The following USH2A variants were observed in gnomAD, a reference collection of about 807,000 sequenced individuals.
The protein encoded by USH2A is Usher syndrome 2A (autosomal recessive, mild).
A neutral mutation model predicts 538.9 loss-of-function variants in USH2A; 443 were observed. The observed-to-expected ratio is 0.82, with a 90% confidence interval of 0.76 to 0.89. The LOEUF (loss-of-function observed/expected upper bound fraction) is 0.89. USH2A is among the 40% of genes least tolerant of loss of function. The pLI, the probability that USH2A is intolerant of heterozygous loss-of-function variation, is 0.00. For missense variants in USH2A, 6,633 were observed against 6,324.8 expected (o/e 1.05, Z -1.65); for synonymous variants, 2,413 against 2,273.5 (o/e 1.06, Z -1.75).
At chr1:215,780,942 T>C (rs1279706368) in intron 54 of USH2A, among the ~76,000 whole-genome samples, 1 of 152,258 alleles carries the variant, frequency 6.6e-6, no homozygotes, top group Admixed American at 6.5e-5. Flanking sequence ...TTTAAGCATA[T>C]GAAAAGAATC....
At chr1:215,651,662 T>C (rs1657082369) in intron 64 of USH2A, among the ~76,000 whole-genome samples, 1 of 150,812 alleles carries the variant, frequency 6.6e-6, no homozygotes, top group Non-Finnish European at 1.5e-5. Flanking sequence ...GCATGCAGTA[T>C]TGAAAAAAAA....
intron 43 of USH2A, among the ~76,000 whole-genome samples, chr1:215,872,093 A>G (rs1427142982): frequency 6.6e-6 from 1 of 152,206 alleles, no homozygotes; most frequent in Non-Finnish European, 1.5e-5. Context: ...TTCTTCCACT[A>G]ACTCTTCCTC....
chr1:215,780,009 C>G lies in USH2A; in HGVS notation c.10773G>C (p.Glu3591Asp). ...CTGTGATGCTTGGTGGCAGGATGCT[C>G]TCCGGAACTCCTTGGGTAGTAGCTG... ...VVAATTQGVP[E>D]SILPPSITAL... Residue 3591 changes from glutamate (E) to aspartate (D), a missense_variant, in exon 55 of 72, where the codon GAG (glutamate) becomes GAC (aspartate). Coordinates refer to ENST00000307340, the MANE Select transcript of USH2A (RefSeq NM_206933.4). The G allele has an allele frequency of 6.2e-7, 1 of 1,614,080 alleles. No individual in the cohort carries two copies. Among genetic ancestry groups the G allele is most frequent in the Non-Finnish European group, 8.5e-7 (1 of 1,180,020 alleles).
chr1:215,672,450 C>T (rs554939127), intron 63 of USH2A, among the ~76,000 whole-genome samples: 70 of 151,968 alleles, frequency 4.6e-4, no homozygotes, highest in African/African-American at 7.5e-4. Flanking sequence ...CCTCTCATGC[C>T]GATCTCCACC....
intron 41 of USH2A, among the ~76,000 whole-genome samples, chr1:215,883,980 A>G (rs1388535914): frequency 1.3e-5 from 2 of 152,152 alleles, no homozygotes; most frequent in Admixed American, 6.6e-5. Flanking sequence ...CATGTTCCAA[A>G]CACCACATGT....
At chr1:215,817,454 G>A (rs1283693617) in intron 47 of USH2A, among the ~76,000 whole-genome samples, 3 of 151,864 alleles carry the variant, frequency 2.0e-5, no homozygotes, top group Non-Finnish European at 4.4e-5. Flanking sequence ...GAAAATCAGA[G>A]CATTTTGTTT....
intron 61 of USH2A, among the ~76,000 whole-genome samples, chr1:215,690,732 C>CT (rs11436650): frequency 0.52 from 79,399 of 151,390 alleles, 20,991 homozygotes; most frequent in Non-Finnish European, 0.55. Context: ...TTCATTTTCT[C>CT]TTTTTTTTCA....
At chr1:216,118,513 GT>G (rs1268721601) in intron 21 of USH2A, among the ~76,000 whole-genome samples, 3 of 152,086 alleles carry the variant, frequency 2.0e-5, no homozygotes, top group African/African-American at 4.8e-5. Context: ...CCTTAGTTCT[GT>G]GTCAAAGTCC....
chr1:216,037,073 T>C (rs2030018408), intron 32 of USH2A, among the ~76,000 whole-genome samples: 1 of 152,152 alleles, frequency 6.6e-6, no homozygotes, highest in East Asian at 1.9e-4. Flanking sequence ...AATTTAACCA[T>C]GTCAATGCAG....
In USH2A at chr1:216,128,423, A is replaced by G. The variant is rs947642872; in HGVS notation, c.4628-31210T>C. 4.6e-5 allele frequency among the ~76,000 whole-genome samples: 7 copies of G among 152,068 alleles called. No individual in the cohort carries two copies. The East Asian group carries it at 9.6e-4, about 21-fold the overall frequency. Reference sequence around the variant, plus strand: ...GCTGCAAGACAACTGGTTACCAAAAAAAGTACTATTTTGAGATTAAGCTTT... The same window carrying G: ...GCTGCAAGACAACTGGTTACCAAAAGAAGTACTATTTTGAGATTAAGCTTT... On this transcript the variant is annotated intron_variant, in intron 21 of 71. Coordinates refer to ENST00000307340, the MANE Select transcript of USH2A (RefSeq NM_206933.4).
intron 21 of USH2A, among the ~76,000 whole-genome samples, chr1:216,140,868 C>T (rs1048068669): frequency 2.6e-5 from 4 of 152,216 alleles, no homozygotes; most frequent in African/African-American, 2.4e-5. Flanking sequence ...AGGCCACAGG[C>T]TCCTGAGACA....
At chr1:215,870,358 G>T (rs1289832254) in intron 43 of USH2A, among the ~76,000 whole-genome samples, 1 of 150,630 alleles carries the variant, frequency 6.6e-6, no homozygotes, top group African/African-American at 2.4e-5. Context: ...GCAGTGGCGC[G>T]ATCTCAGCTC....
chr1:216,343,599 A>G lies in USH2A; in HGVS notation c.785-15945T>C, dbSNP rs76169766. Among the ~76,000 whole-genome samples the G allele has an allele frequency of 4.4e-3, 673 of 151,822 alleles. 4 individuals are homozygous for G. Among genetic ancestry groups the G allele is most frequent in the African/African-American group, 0.015 (642 of 41,488 alleles). ...ATATATGTAAAAAAACAAATTCTCA[A>G]TGTGGTACCATAAAAAAATAGATCT... is the stretch of plus-strand genomic sequence containing the variant. On this transcript the variant is annotated intron_variant, in intron 4 of 71. Coordinates refer to ENST00000307340, the MANE Select transcript of USH2A (RefSeq NM_206933.4).
chr1:216,019,909 G>A (rs1668808625), intron 32 of USH2A, among the ~76,000 whole-genome samples: 1 of 152,148 alleles, frequency 6.6e-6, no homozygotes, highest in Non-Finnish European at 1.5e-5. Flanking sequence ...AAAACACAAT[G>A]CATCATATGC....
At chr1:216,232,174 T>G (rs775907791) in intron 13 of USH2A, 38 bp from the exon 14 acceptor site, 24 of 1,571,066 alleles carry the variant, frequency 1.5e-5, no homozygotes, top group Middle Eastern at 4.0e-4. Flanking sequence ...TATATACTTT[T>G]TATCCACTCT....
chr1:215,738,751 C>T (rs938045849), intron 60 of USH2A, among the ~76,000 whole-genome samples: 2 of 152,022 alleles, frequency 1.3e-5, no homozygotes, highest in African/African-American at 4.8e-5. Flanking sequence ...TCTGCATAGG[C>T]CAAATCCTAT....
At chr1:216,235,629 G>A (rs1056605732) in intron 13 of USH2A, among the ~76,000 whole-genome samples, 6 of 152,100 alleles carry the variant, frequency 3.9e-5, no homozygotes, top group African/African-American at 7.2e-5. Context: ...CTCCTGCAGC[G>A]GCTATTTGCA....
intron 32 of USH2A, among the ~76,000 whole-genome samples, chr1:216,001,635 C>G (rs76764355): frequency 0.038 from 5,731 of 152,164 alleles, 353 homozygotes; most frequent in African/African-American, 0.13. Context: ...ATAAGTTAGT[C>G]ACAATTTAAG....
At chr1:215,672,196 C>A (rs1160551601) in intron 63 of USH2A, among the ~76,000 whole-genome samples, 1 of 152,094 alleles carries the variant, frequency 6.6e-6, no homozygotes, top group Non-Finnish European at 1.5e-5. Context: ...TATTCCCAAC[C>A]ACCATTGATT....
Sources: gnomAD v4.1 joint callset for allele counts (sites outside exome capture counted in the v4.1 genomes callset) on GRCh38, gnomAD v4.1.1 for gene constraint, MANE v1.5 for transcripts, NCBI Gene and HGNC (gene_info 2026-07-23, HGNC 2026-07-21) for gene names.